Variants in ATF6 observed in about 807,000 individuals in gnomAD.
ATF6 encodes the protein cyclic AMP-dependent transcription factor ATF-6 alpha.
ATF6 carries 53 observed loss-of-function variants against 83.6 expected under a neutral mutation model. The observed-to-expected ratio is 0.63, with a 90% CI of 0.51 to 0.80. ATF6 has a LOEUF of 0.80. Among genes scored for constraint, ATF6 ranks in the 30% least tolerant of loss-of-function variants. The pLI, the probability that ATF6 is intolerant of heterozygous loss-of-function variation, is 0.00. For synonymous variants in ATF6, 288 were observed against 285.8 expected (o/e 1.01, Z -0.08); for missense variants, 744 against 797.9 (o/e 0.93, Z 0.81).
At chr1:161,855,335 G>T (rs1353125282) in intron 12 of ATF6, among the ~76,000 whole-genome samples, 1 of 152,156 alleles carries the variant, frequency 6.6e-6, no homozygotes, top group African/African-American at 2.4e-5. Context: ...GATGGAAATT[G>T]TTGATATAAT....
chr1:161,863,058 T>C, intron 13 of ATF6, 140 bp from the exon 14 acceptor site: 1 of 518,780 alleles, frequency 1.9e-6, no homozygotes. Context: ...AATATTGTTA[T>C]AAAAATTACT....
intron 12 of ATF6, among the ~76,000 whole-genome samples, chr1:161,856,749 A>T (rs1037499758): frequency 2.7e-4 from 41 of 152,134 alleles, no homozygotes; most frequent in Non-Finnish European, 3.1e-4. Flanking sequence ...CATTAGATGG[A>T]ACTTGTCATG....
At chr1:161,831,203 A>G (rs1321003031) in intron 9 of ATF6, among the ~76,000 whole-genome samples, 1 of 152,260 alleles carries the variant, frequency 6.6e-6, no homozygotes, top group Non-Finnish European at 1.5e-5. Context: ...AATGCTCATC[A>G]TCACTGGCCA....
intron 10 of ATF6, among the ~76,000 whole-genome samples, chr1:161,851,073 A>G (rs1474374465): frequency 1.3e-5 from 2 of 151,834 alleles, no homozygotes; most frequent in African/African-American, 2.4e-5. Context: ...CCCATAGTTT[A>G]TATTCGGCTT....
At chr1:161,846,372 G>T in intron 9 of ATF6, 77 bp from the exon 10 acceptor site, 1 of 1,461,862 alleles carries the variant, frequency 6.8e-7, no homozygotes. Context: ...ATTGTGGTTT[G>T]TTTCACAGCT....
At chr1:161,797,628 C>G (rs1242708896) in intron 6 of ATF6, among the ~76,000 whole-genome samples, 1 of 152,108 alleles carries the variant, frequency 6.6e-6, no homozygotes, top group Admixed American at 6.6e-5. Context: ...GGTGAAAGAT[C>G]TCTACAATGA....
intron 9 of ATF6, among the ~76,000 whole-genome samples, chr1:161,845,944 A>T (rs943871616): frequency 6.6e-6 from 1 of 152,124 alleles, no homozygotes; most frequent in Non-Finnish European, 1.5e-5. Flanking sequence ...TACAAATAGA[A>T]GTATTTAAAA....
At chr1:161,865,626 G>A (rs868398849) in intron 14 of ATF6, among the ~76,000 whole-genome samples, 3 of 152,156 alleles carry the variant, frequency 2.0e-5, no homozygotes, top group African/African-American at 7.2e-5. Context: ...GTCCCTTGAT[G>A]TTCATTCAGG....
rs1571123923 is a variant in ATF6, at chr1:161,781,991, T to G, written c.239T>G (p.Ile80Ser). Residue 80 changes from isoleucine to serine, a missense_variant, in exon 3 of 16, where the codon ATC (isoleucine) becomes AGC (serine). By Grantham distance (142) the Ile-to-Ser change is moderately radical. Coordinates refer to ENST00000367942, the MANE Select transcript of ATF6 (RefSeq NM_007348.4). ...ESDIWDINNQICTVKDIKAEP... is the reference protein window; with the variant it reads ...ESDIWDINNQSCTVKDIKAEP... The stretch of plus-strand genomic sequence containing the variant: ...GACATTTGGGACATCAACAACCAAA[T>G]CTGTACAGGTAATTATGTGTTTCAC... 1 of 1,600,604 alleles carries G rather than the reference T, an allele frequency of 6.2e-7. No homozygotes were observed. Among genetic ancestry groups the G allele is most frequent in the East Asian group, 2.2e-5 (1 of 44,660 alleles).
At chr1:161,829,189 C>CTTTTTTTTTTATTTTTT (rs1685981539) in intron 9 of ATF6, among the ~76,000 whole-genome samples, 1 of 72,588 alleles carries the variant, frequency 1.4e-5, no homozygotes, top group Non-Finnish European at 2.5e-5. Context: ...TAATGGGAGA[C>CTTTTTTTTTTATTTTTT]TTTTTTTTTT....
chr1:161,810,188 T>C (rs750063540), intron 7 of ATF6, among the ~76,000 whole-genome samples: 1 of 152,230 alleles, frequency 6.6e-6, no homozygotes, highest in South Asian at 2.1e-4. Flanking sequence ...ACTGAGTGAT[T>C]TATAAAGAAA....
intron 12 of ATF6, 85 bp downstream of exon 12, chr1:161,853,408 T>C (rs1223533528): frequency 1.1e-6 from 1 of 892,296 alleles, no homozygotes; most frequent in African/African-American, 2.6e-5. Context: ...CCCTAGAAGG[T>C]TGGTAAACTT....
chr1:161,913,321 A>G lies in ATF6; in HGVS notation c.1804+941A>G, dbSNP rs1688028257. Among the ~76,000 whole-genome samples, 5 of 152,206 alleles carry G rather than the reference A, an allele frequency of 3.3e-5. 1 individual carries two copies. The South Asian group carries it at 1.0e-3, about 31-fold the overall frequency. ...CCAGTTCACATTTTGATTGATAAATATAATTAAACCTTCAAATACAATTAT... is the reference window on the plus strand; with the variant it reads ...CCAGTTCACATTTTGATTGATAAATGTAATTAAACCTTCAAATACAATTAT... On this transcript the variant is annotated intron_variant, in intron 15 of 15. Coordinates refer to ENST00000367942, the MANE Select transcript of ATF6 (RefSeq NM_007348.4).
At chr1:161,768,790 G>C (rs1340066333) in intron 1 of ATF6, among the ~76,000 whole-genome samples, 1 of 151,922 alleles carries the variant, frequency 6.6e-6, no homozygotes, top group Non-Finnish European at 1.5e-5. Context: ...GCCCAGACTG[G>C]TCTCCAACTG....
intron 1 of ATF6, among the ~76,000 whole-genome samples, chr1:161,768,371 A>G (rs539693946): frequency 9.2e-5 from 14 of 152,236 alleles, no homozygotes; most frequent in Admixed American, 2.6e-4. Flanking sequence ...ATTGTTTTCC[A>G]GGTTTCCCTT....
At chr1:161,790,700 A>G (rs1194218239) in intron 4 of ATF6, among the ~76,000 whole-genome samples, 1 of 152,004 alleles carries the variant, frequency 6.6e-6, no homozygotes, top group Non-Finnish European at 1.5e-5. Context: ...GGTTGTAGCT[A>G]CTCGGGAGGC....
At chr1:161,777,467 C>G (rs1684541974) in intron 1 of ATF6, among the ~76,000 whole-genome samples, 1 of 152,178 alleles carries the variant, frequency 6.6e-6, no homozygotes, top group African/African-American at 2.4e-5. Flanking sequence ...AGAGCAGTTT[C>G]AGCAGCATAA....
intron 15 of ATF6, among the ~76,000 whole-genome samples, chr1:161,920,976 C>A (rs1289212204): frequency 6.6e-6 from 1 of 151,890 alleles, no homozygotes; most frequent in Non-Finnish European, 1.5e-5. Flanking sequence ...AGTAAGGATC[C>A]ACCCTCGGCC....
Position 161,878,969 on chromosome 1 carries a change from A to T in ATF6, c.1719+15657A>T, listed in dbSNP as rs546218675. 4.6e-5 allele frequency among the ~76,000 whole-genome samples: 7 copies of T among 152,278 alleles called. No homozygotes were observed. The South Asian group carries it at 1.2e-3, about 27-fold the overall frequency. The stretch of plus-strand genomic sequence containing the variant: ...TATTTTCAAACTCTAGATATCAATT[A>T]TATATTTTAAAGGAATGAACCCATA... On this transcript the variant is annotated intron_variant, in intron 14 of 15. Transcript: ENST00000367942.
Sources: allele counts gnomAD v4.1 joint callset (sites outside exome capture counted in the v4.1 genomes callset), GRCh38; gene constraint gnomAD v4.1.1; transcripts MANE v1.5; gene names NCBI Gene and HGNC (gene_info 2026-07-23, HGNC 2026-07-21).